Variants in DSCAM observed in about 807,000 individuals in gnomAD.
DSCAM encodes the protein cell adhesion molecule DSCAM.
Under a neutral mutation model 217.7 loss-of-function variants are expected in DSCAM, and 47 were observed. The observed-to-expected ratio is 0.22, with a 90% confidence interval of 0.17 to 0.28. DSCAM has a LOEUF of 0.28. Ranked by LOEUF, DSCAM falls within the 10% of genes least tolerant of loss-of-function variation. The pLI, the probability that DSCAM is intolerant of heterozygous loss-of-function variation, is 1.00. For synonymous variants in DSCAM, 1,056 were observed against 1,015.3 expected (o/e 1.04, Z -0.76); for missense variants, 2,080 against 2,618.3 (o/e 0.79, Z 4.49).
At chr21:40,195,268 TATCAATA>T (rs2090995373) in intron 11 of DSCAM, among the ~76,000 whole-genome samples, 2 of 152,190 alleles carry the variant, frequency 1.3e-5, no homozygotes, top group Non-Finnish European at 2.9e-5. Flanking sequence ...TTAATGACTC[TATCAATA>T]ATGCAAAATT....
Position 40,187,992 on chromosome 21 carries a change from G to T in DSCAM, c.2554-5C>A. 1.2e-6 allele frequency: 2 copies of T among 1,607,540 alleles called. No individual in the cohort carries two copies. The highest frequency in any genetic ancestry group is 1.7e-6 in the Non-Finnish European group (2 of 1,176,136). On this transcript the variant is annotated splice_region_variant and splice_polypyrimidine_tract_variant and intron_variant, in intron 12 of 32. Coordinates refer to ENST00000400454, the MANE Select transcript of DSCAM (RefSeq NM_001389.5). ...TTCTCTCACAGTTGGCAAAATCTAT[G>T]TGTAAAGCAGAAAGAAATTCATCTT...
intron 3 of DSCAM, among the ~76,000 whole-genome samples, chr21:40,424,816 ACAAC>A (rs1201963337): frequency 6.6e-6 from 1 of 152,176 alleles, no homozygotes; most frequent in Non-Finnish European, 1.5e-5. Context: ...AAAAATTATC[ACAAC>A]AGGCCAGTCG....
chr21:40,196,873 T>C (rs750765654), intron 11 of DSCAM, among the ~76,000 whole-genome samples: 1 of 152,148 alleles, frequency 6.6e-6, no homozygotes, highest in Non-Finnish European at 1.5e-5. Context: ...CCAAGACACA[T>C]GAGTACTATT....
intron 3 of DSCAM, among the ~76,000 whole-genome samples, chr21:40,465,586 C>T (rs747201201): frequency 2.6e-5 from 4 of 152,186 alleles, no homozygotes; most frequent in Admixed American, 6.5e-5. Flanking sequence ...AGGCCACCCG[C>T]GGCCCAGGAC....
At chr21:40,216,958 G>C (rs1466249070) in intron 11 of DSCAM, among the ~76,000 whole-genome samples, 1 of 152,218 alleles carries the variant, frequency 6.6e-6, no homozygotes. Context: ...AAAGATGGCT[G>C]TGTCTGAAAA....
intron 3 of DSCAM, among the ~76,000 whole-genome samples, chr21:40,446,593 A>C (rs528603673): frequency 6.6e-6 from 1 of 152,288 alleles, no homozygotes; most frequent in South Asian, 2.1e-4. Context: ...AAAACCAGCA[A>C]AAAAGCAAAT....
At chr21:40,208,897 A>G (rs2091153821) in intron 11 of DSCAM, among the ~76,000 whole-genome samples, 1 of 152,218 alleles carries the variant, frequency 6.6e-6, no homozygotes, top group Admixed American at 6.5e-5. Flanking sequence ...TTTTGCTGGC[A>G]ATAGGAAGCA....
chr21:40,507,424 T>C (rs2076218654), intron 3 of DSCAM, among the ~76,000 whole-genome samples: 1 of 152,222 alleles, frequency 6.6e-6, no homozygotes, highest in South Asian at 2.1e-4. Flanking sequence ...TTTACAACTT[T>C]ACATACACAC....
intron 3 of DSCAM, among the ~76,000 whole-genome samples, chr21:40,582,130 G>T (rs2076910400): frequency 1.3e-5 from 2 of 152,168 alleles, no homozygotes; most frequent in African/African-American, 2.4e-5. Context: ...ACTGGGATTG[G>T]CTATATAGTC....
chr21:40,420,520 G>A (rs1488883180), intron 3 of DSCAM, among the ~76,000 whole-genome samples: 1 of 152,178 alleles, frequency 6.6e-6, no homozygotes, highest in African/African-American at 2.4e-5. Flanking sequence ...ATTCAGGAGA[G>A]TTGGTTTGAA....
rs140094258 is a variant in DSCAM at position 40,409,856 on chromosome 21, C to T, written c.509-40611G>A. 6.0e-3 allele frequency among the ~76,000 whole-genome samples: 919 copies of T among 152,300 alleles called. 7 individuals are homozygous for T. Among genetic ancestry groups the T allele is most frequent in the African/African-American group, 0.021 (873 of 41,568 alleles). ...ATATTGAGGCCAAGTAACTCAACTGCATCCCAGTAAACTGTCCAACAATAT... is the reference window on the plus strand; with the variant it reads ...ATATTGAGGCCAAGTAACTCAACTGTATCCCAGTAAACTGTCCAACAATAT... On this transcript the variant is annotated intron_variant, in intron 3 of 32. Coordinates refer to ENST00000400454, the MANE Select transcript of DSCAM (RefSeq NM_001389.5).
At chr21:40,534,194 C>CT (rs1204102343) in intron 3 of DSCAM, among the ~76,000 whole-genome samples, 2 of 152,036 alleles carry the variant, frequency 1.3e-5, no homozygotes, top group African/African-American at 4.8e-5. Flanking sequence ...TGAAAATTGA[C>CT]TTTCATAACT....
At position 40,391,908 on chromosome 21, in the gene DSCAM, C is replaced by T. The variant is rs2075137388; in HGVS notation, c.509-22663G>A. On this transcript the variant is annotated intron_variant, in intron 3 of 32. Transcript: ENST00000400454. ...TCACACGCCAGGAAGTTTGGCTAGCCCCTTCTTTCTTCCCAGAGAGAAAGC... is the reference window on the plus strand; with the variant it reads ...TCACACGCCAGGAAGTTTGGCTAGCTCCTTCTTTCTTCCCAGAGAGAAAGC... Among the ~76,000 whole-genome samples the T allele has an allele frequency of 2.6e-5, 4 of 152,108 alleles. No homozygotes were observed. The South Asian group carries it at 8.3e-4, about 32-fold the overall frequency.
intron 3 of DSCAM, among the ~76,000 whole-genome samples, chr21:40,632,860 T>A (rs2089710933): frequency 6.6e-6 from 1 of 152,198 alleles, no homozygotes; most frequent in Non-Finnish European, 1.5e-5. Flanking sequence ...TTCAAGAGGC[T>A]GTGGGTTCCC....
intron 8 of DSCAM, among the ~76,000 whole-genome samples, chr21:40,317,502 A>ATAT (rs1303734057): frequency 6.6e-6 from 1 of 152,104 alleles, no homozygotes; most frequent in Non-Finnish European, 1.5e-5. Context: ...AGTGGGATAA[A>ATAT]TAGTGTCCTG....
chr21:40,020,042 TCTTGAATTGTAGCTCC>T (rs1470332478), intron 32 of DSCAM, among the ~76,000 whole-genome samples: 1 of 152,172 alleles, frequency 6.6e-6, no homozygotes, highest in Non-Finnish European at 1.5e-5. Flanking sequence ...CCAAATCTCT[TCTTGAATTGTAGCTCC>T]CATAATTCCC....
chr21:40,092,714 C>A (rs396581), intron 21 of DSCAM, among the ~76,000 whole-genome samples: 55,169 of 152,040 alleles, frequency 0.36, 11,724 homozygotes, highest in South Asian at 0.55. Flanking sequence ...GTCCTTATGT[C>A]CAACATTTTC....
At chr21:40,805,935 C>A (rs2091782840) in intron 1 of DSCAM, among the ~76,000 whole-genome samples, 1 of 152,054 alleles carries the variant, frequency 6.6e-6, no homozygotes, top group Non-Finnish European at 1.5e-5. Flanking sequence ...GTCTCGATCT[C>A]CTGACCTTGT....
intron 3 of DSCAM, among the ~76,000 whole-genome samples, chr21:40,413,961 T>C (rs983400831): frequency 2.6e-5 from 4 of 152,156 alleles, no homozygotes; most frequent in Admixed American, 6.5e-5. Flanking sequence ...CTTCAAACCA[T>C]ATACAGAACT....
Sources: gnomAD v4.1 joint callset for allele counts (sites outside exome capture counted in the v4.1 genomes callset) on GRCh38, gnomAD v4.1.1 for gene constraint, MANE v1.5 for transcripts, NCBI Gene and HGNC (gene_info 2026-07-23, HGNC 2026-07-21) for gene names.